ZC3H15: variants seen among roughly 807,000 people sequenced by gnomAD.
ZC3H15 encodes zinc finger CCCH domain-containing protein 15.
ZC3H15 carries 15 observed loss-of-function variants against 51.2 expected under a neutral mutation model. That is an observed-to-expected ratio of 0.29 (90% CI 0.20 to 0.45). The LOEUF (loss-of-function observed/expected upper bound fraction) is 0.45, where lower values mean the gene tolerates loss of function less well. Ranked by LOEUF, ZC3H15 falls within the 20% of genes least tolerant of loss-of-function variation. The pLI, the probability that ZC3H15 is intolerant of heterozygous loss-of-function variation, is 1.00. For missense variants in ZC3H15, 381 were observed against 494.7 expected (o/e 0.77, Z 2.18); for synonymous variants, 144 against 162.8 (o/e 0.88, Z 0.88).
At chr2:186,503,983 GA>G in intron 5 of ZC3H15, 48 bp from the exon 6 acceptor site, 2 of 1,441,224 alleles carry the variant, frequency 1.4e-6, no homozygotes, top group Non-Finnish European at 1.8e-6. Flanking sequence ...ATTTACCTTG[GA>G]AATGGCCTAC....
rs553179643 is a variant in ZC3H15, at chr2:186,494,398, T to TC, written c.76-834dup. Among the ~76,000 whole-genome samples, 13 of 152,352 alleles carry TC rather than the reference T, an allele frequency of 8.5e-5. 1 individual carries two copies. In the South Asian group the frequency reaches 2.7e-3, roughly 32 times the overall value. ...CAGTCCAGAACTGAATGTATCTTCC[T>TC]CTTCTTATGTAGTAGTCCCAAAAAT... On this transcript the variant is annotated intron_variant, in intron 1 of 9. Transcript: ENST00000337859.
rs1206872898 is a variant in ZC3H15, at chr2:186,501,947, T to TA, written c.442+522_442+523insA. ...GGATGGTCTTGATCTCCTGACTTCG[T>TA]GATCTGCCCACGCTGGCCTCTCAAA... is the stretch of plus-strand genomic sequence containing the variant. On this transcript the variant is annotated intron_variant, in intron 4 of 9. Transcript: ENST00000337859. 2.0e-5 allele frequency among the ~76,000 whole-genome samples: 3 copies of TA among 152,110 alleles called. No individual in the cohort carries two copies. The East Asian group carries it at 5.8e-4, about 30-fold the overall frequency.
At chr2:186,502,717 A>G (rs1002398085) in intron 5 of ZC3H15, 130 bp downstream of exon 5, 6 of 667,918 alleles carry the variant, frequency 9.0e-6, no homozygotes, top group Middle Eastern at 5.6e-4. Flanking sequence ...CATCAAGATA[A>G]GGTACACGAA....
At position 186,495,291 on chromosome 2, in the gene ZC3H15, C is replaced by A; in HGVS notation, c.134C>A (p.Ala45Asp). ...GCAAAGCAACAGAAGTTTATCAAGG[C>A]TGTCACACATCAAGTTAAATTTGGT... ...KGAKQQKFIK[A>D]VTHQVKFGQQ... The change falls in exon 2 of 10, where the codon GCT (alanine) becomes GAT (aspartate). Residue 45 changes from alanine to aspartate, a missense_variant. This residue lies in a region of ZC3H15 where 125 missense variants were observed against 166.3 expected (regional missense o/e 0.75). Coordinates refer to ENST00000337859, the MANE Select transcript of ZC3H15 (RefSeq NM_018471.3). 6.4e-7 allele frequency: 1 copy of A among 1,553,068 alleles called. No homozygotes were observed. Among genetic ancestry groups the A allele is most frequent in the Non-Finnish European group, 8.7e-7 (1 of 1,154,052 alleles).
rs1685383005 is a variant in ZC3H15 at position 186,501,443 on chromosome 2, A to C, written c.442+18A>C. ...TGAAAAAGGTAATTTTTTTAAAAAC[A>C]CTCTCTTAAAAATAAATGTTGAATA... On this transcript the variant is annotated intron_variant, in intron 4 of 9. Transcript: ENST00000337859. The C allele has an allele frequency of 1.3e-6, 2 of 1,597,580 alleles. No homozygotes were observed. Among genetic ancestry groups the C allele is most frequent in the Non-Finnish European group, 8.5e-7 (1 of 1,172,016 alleles).
chr2:186,508,503 T>C, intron 9 of ZC3H15, 40 bp from the exon 10 acceptor site: 1 of 1,584,426 alleles, frequency 6.3e-7, no homozygotes, highest in Non-Finnish European at 8.6e-7. Flanking sequence ...AATGGTGTTT[T>C]CTGCTTCTAC....
chr2:186,499,594 TTGTATTCTC>T (rs776847663), intron 2 of ZC3H15: 1 of 456,100 alleles, frequency 2.2e-6, no homozygotes, highest in South Asian at 1.6e-5. Flanking sequence ...TGTCTTTTCA[TTGTATTCTC>T]TGTCATCTAA....
At chr2:186,495,456 T>G in intron 2 of ZC3H15, 122 bp downstream of exon 2, 1 of 708,190 alleles carries the variant, frequency 1.4e-6, no homozygotes, top group Non-Finnish European at 2.1e-6. Flanking sequence ...CTTGAAATGT[T>G]TTTGCACCTT....
chr2:186,492,713 C>T (rs1008243559), intron 1 of ZC3H15, among the ~76,000 whole-genome samples: 1 of 152,094 alleles, frequency 6.6e-6, no homozygotes. Context: ...CTAATTGTTT[C>T]AGTACTATTG....
Position 186,504,180 on chromosome 2 carries a change from A to G in ZC3H15, c.683A>G (p.Asp228Gly). Residue 228 changes from aspartate (D) to glycine (G), a missense_variant, in exon 6 of 10, where the codon GAT becomes GGT. Around this residue, in one of 3 missense-constraint regions of ZC3H15, gnomAD observed 215 missense variants for 241.8 expected, o/e 0.89. Coordinates refer to ENST00000337859, the MANE Select transcript of ZC3H15 (RefSeq NM_018471.3). ...KKDKKKEEKE[D>G]EISLEDLIER... ...GATAAAAAGAAAGAAGAGAAAGAAG[A>G]TGAAATTTCATTAGAAGATCTAATT... The G allele has an allele frequency of 6.2e-7, 1 of 1,601,696 alleles. No individual in the cohort carries two copies. The highest frequency in any genetic ancestry group is 8.5e-7 in the Non-Finnish European group (1 of 1,173,690).
intron 2 of ZC3H15, among the ~76,000 whole-genome samples, chr2:186,495,948 G>T (rs1202304437): frequency 6.6e-6 from 1 of 152,116 alleles, no homozygotes; most frequent in Non-Finnish European, 1.5e-5. Flanking sequence ...GCACTTCTAT[G>T]ACTTCCCTAT....
At chr2:186,488,846 C>G (rs541232934) in intron 1 of ZC3H15, 1 of 152,694 alleles carries the variant, frequency 6.5e-6, no homozygotes, top group East Asian at 1.9e-4. Context: ...AAGGACTGGT[C>G]TTGACTACAC....
chr2:186,494,095 A>T (rs559533484), intron 1 of ZC3H15, among the ~76,000 whole-genome samples: 2 of 150,058 alleles, frequency 1.3e-5, no homozygotes, highest in South Asian at 2.2e-4. Context: ...TCTCCCCCCA[A>T]CCCCATACTG....
intron 5 of ZC3H15, 138 bp from the exon 6 acceptor site, chr2:186,503,893 AC>A (rs1685426196): frequency 1.7e-6 from 1 of 585,970 alleles, no homozygotes; most frequent in African/African-American, 1.9e-5. Flanking sequence ...TAGACAGAGC[AC>A]CCTTATGTGC....
chr2:186,488,196 T>C (rs1051711761), intron 1 of ZC3H15, among the ~76,000 whole-genome samples: 26 of 152,334 alleles, frequency 1.7e-4, no homozygotes, highest in African/African-American at 5.3e-4. Flanking sequence ...GTATAACTTA[T>C]GTAAAATAAA....
chr2:186,496,929 T>G (rs1685291232), intron 2 of ZC3H15, among the ~76,000 whole-genome samples: 1 of 152,220 alleles, frequency 6.6e-6, no homozygotes, highest in South Asian at 2.1e-4. Context: ...TACATTAAAG[T>G]CTCAAGGCAA....
At position 186,500,276 on chromosome 2, in the gene ZC3H15, C is replaced by G. The variant is rs767217177; in HGVS notation, c.272C>G (p.Ala91Gly). ...GAGCTGTTCAAACCTGTAGTTGCTG[C>G]TCAAAAAATAAGTAAAGGTAAACTT... Reference protein sequence around the residue: ...LNELFKPVVAAQKISKGADPK... With the variant: ...LNELFKPVVAGQKISKGADPK... The change falls in exon 3 of 10, where the codon GCT becomes GGT. Residue 91 changes from alanine to glycine, a missense_variant. Physicochemically the swap from Ala to Gly is moderately conservative, Grantham distance 60 (BLOSUM62 0). Coordinates refer to ENST00000337859, the MANE Select transcript of ZC3H15 (RefSeq NM_018471.3). 8.7e-6 allele frequency: 14 copies of G among 1,605,560 alleles called. No individual in the cohort carries two copies. Among genetic ancestry groups the G allele is most frequent in the Non-Finnish European group, 9.3e-6 (11 of 1,177,820 alleles).
intron 1 of ZC3H15, among the ~76,000 whole-genome samples, chr2:186,492,201 T>A (rs1276115028): frequency 1.3e-5 from 2 of 152,180 alleles, no homozygotes; most frequent in Non-Finnish European, 2.9e-5. Context: ...TTAATCCTGA[T>A]CATATTTTTT....
rs186233047 is a variant in ZC3H15 at position 186,488,295 on chromosome 2, T to A, written c.75+1838T>A. 9.8e-5 allele frequency among the ~76,000 whole-genome samples: 15 copies of A among 152,354 alleles called. No individual in the cohort carries two copies. The East Asian group carries it at 2.9e-3, about 29-fold the overall frequency. On this transcript the variant is annotated intron_variant, in intron 1 of 9. Coordinates refer to ENST00000337859, the MANE Select transcript of ZC3H15 (RefSeq NM_018471.3). ...CACCCTAATTAAGACTTGAAACATT[T>A]CTATCACCCCACTAAATTTGTTTTG...
Sources: allele counts gnomAD v4.1 joint callset (sites outside exome capture counted in the v4.1 genomes callset), GRCh38; gene constraint gnomAD v4.1.1; regional missense constraint gnomAD v4.1.1; transcripts MANE v1.5; gene names NCBI Gene and HGNC (gene_info 2026-07-23, HGNC 2026-07-21).